Variants in INPP5D observed in about 807,000 individuals in gnomAD.
INPP5D encodes the protein inositol polyphosphate-5-phosphatase D, also known as phosphatidylinositol 3,4,5-trisphosphate 5-phosphatase 1.
Under a neutral mutation model 122.9 loss-of-function variants are expected in INPP5D, and 33 were observed. The observed-to-expected ratio is 0.27, with a 90% CI of 0.20 to 0.36. The LOEUF (loss-of-function observed/expected upper bound fraction) is 0.36, where lower values mean the gene tolerates loss of function less well. INPP5D is among the 10% of genes least tolerant of loss of function. The pLI, the probability that INPP5D is intolerant of heterozygous loss-of-function variation, is 1.00. For missense variants in INPP5D, 1,053 were observed against 1,412.7 expected (o/e 0.75, Z 4.08); for synonymous variants, 584 against 576.2 (o/e 1.01, Z -0.19).
intron 2 of INPP5D, among the ~76,000 whole-genome samples, chr2:233,117,716 G>C (rs995642933): frequency 6.6e-6 from 1 of 152,134 alleles, no homozygotes; most frequent in Non-Finnish European, 1.5e-5. Context: ...GCCTCCTGCC[G>C]GGACTCTGGA....
In INPP5D at chr2:233,164,391, G is replaced by A. The variant is rs1205046029; in HGVS notation, c.1522G>A (p.Asp508Asn). ...GAACCGGATCAGCCACATCTGTACT[G>A]ACAACGTGAAGACAGGCATTGCAAA... Reference protein sequence around the residue: ...HENRISHICTDNVKTGIANTL... With the variant: ...HENRISHICTNNVKTGIANTL... Residue 508 changes from aspartate (D) to asparagine (N), a missense_variant, in exon 13 of 27, where the codon GAC becomes AAC. By Grantham distance (23) the Asp-to-Asn change is conservative. Coordinates refer to ENST00000445964, the MANE Select transcript of INPP5D (RefSeq NM_001017915.3). This position sits in a 1 kb window ranked among gnomAD's most constrained non-coding sequence, Gnocchi z 4.3. 2.6e-6 allele frequency: 4 copies of A among 1,552,502 alleles called. No homozygotes were observed. The highest frequency in any genetic ancestry group is 3.5e-6 in the Non-Finnish European group (4 of 1,147,458).
chr2:233,071,040 G>A (rs767389915), intron 1 of INPP5D, among the ~76,000 whole-genome samples: 3 of 152,168 alleles, frequency 2.0e-5, no homozygotes, highest in South Asian at 4.2e-4. Flanking sequence ...TTGGGAGGCC[G>A]AGGCGGCCGG....
intron 2 of INPP5D, among the ~76,000 whole-genome samples, chr2:233,099,869 G>A (rs756545861): frequency 4.0e-4 from 61 of 152,296 alleles, no homozygotes; most frequent in Middle Eastern, 6.8e-3. Flanking sequence ...AGGTTTAATG[G>A]ACTCACAGTT....
chr2:233,146,284 G>T (rs1353503463), intron 7 of INPP5D, 42 bp downstream of exon 7: 1 of 704,212 alleles, frequency 1.4e-6, no homozygotes, highest in South Asian at 1.5e-5. Flanking sequence ...TCTCCTCTTT[G>T]GTCCCCTCTT....
rs1470349376 is a variant in INPP5D at position 233,105,595 on chromosome 2, G to A, written c.199-16512G>A. On this transcript the variant is annotated intron_variant, in intron 2 of 26. Transcript: ENST00000445964. This position sits in a 1 kb window ranked among gnomAD's most constrained non-coding sequence, Gnocchi z 4.0. ...GGTCTGTGTTGGTCCCTGATGCCGG[G>A]GGCTGAGCCGGGGGGAAGAGAGCCA... is the stretch of plus-strand genomic sequence containing the variant. 1.3e-5 allele frequency among the ~76,000 whole-genome samples: 2 copies of A among 152,178 alleles called. No homozygotes were observed. The highest frequency in any genetic ancestry group is 4.8e-5 in the African/African-American group (2 of 41,436).
chr2:233,068,777 T>G (rs368330332), intron 1 of INPP5D, among the ~76,000 whole-genome samples: 1 of 152,160 alleles, frequency 6.6e-6, no homozygotes, highest in African/African-American at 2.4e-5. Context: ...AGTTGTCACT[T>G]GAGGCCTCCT....
intron 18 of INPP5D, among the ~76,000 whole-genome samples, chr2:233,180,538 T>TTTTTGTTTTG (rs1694757396): frequency 6.6e-6 from 1 of 152,162 alleles, no homozygotes; most frequent in South Asian, 2.1e-4. Context: ...TTTTTTGTTT[T>TTTTTGTTTTG]TTTTGTTTTG....
chr2:233,130,579 T>C lies in INPP5D; in HGVS notation c.596T>C (p.Val199Ala). The change falls in exon 5 of 27, where the codon GTG becomes GCG. Residue 199 changes from valine (V) to alanine (A), a missense_variant. By Grantham distance (64) the Val-to-Ala change is moderately conservative. This residue lies in a region of INPP5D where 196 missense variants were observed against 175.6 expected (regional missense o/e 1.12). Coordinates refer to ENST00000445964, the MANE Select transcript of INPP5D (RefSeq NM_001017915.3). ...STQLAQDSEF[V>A]KTGSSSLPHL... ...CAGCTCGCCCAGGACTCTGAATTTG[T>C]GAAGACAGGGTCCAGCAGTCTTCCT... 1 of 1,613,988 alleles carries C rather than the reference T, an allele frequency of 6.2e-7. No individual in the cohort carries two copies. The highest frequency in any genetic ancestry group is 1.1e-5 in the South Asian group (1 of 91,074).
At chr2:233,088,640 C>T (rs1300873876) in intron 2 of INPP5D, among the ~76,000 whole-genome samples, 1 of 152,198 alleles carries the variant, frequency 6.6e-6, no homozygotes, top group Non-Finnish European at 1.5e-5. Flanking sequence ...AAACATGCAG[C>T]TCATGTCTGA....
chr2:233,095,079 T>C (rs1017024776), intron 2 of INPP5D, among the ~76,000 whole-genome samples: 3 of 152,192 alleles, frequency 2.0e-5, no homozygotes, highest in African/African-American at 2.4e-5. Flanking sequence ...ACTGCTTAAA[T>C]ACACTGTGGT....
chr2:233,181,514 T>A (rs1694782409), intron 18 of INPP5D, among the ~76,000 whole-genome samples: 1 of 152,140 alleles, frequency 6.6e-6, no homozygotes. Context: ...TAAAGATGCA[T>A]CTCCAGCCTT....
chr2:233,182,160 A>C lies in INPP5D; in HGVS notation c.2072-250A>C, dbSNP rs552222882. ...AAAATCTCCATGGTTCACACTCCCT[A>C]ATCAATTCAAAAAGTCTTAGGTCTT... On this transcript the variant is annotated intron_variant, in intron 18 of 26. Coordinates refer to ENST00000445964, the MANE Select transcript of INPP5D (RefSeq NM_001017915.3). Among the ~76,000 whole-genome samples, 32 of 152,286 alleles carry C rather than the reference A, an allele frequency of 2.1e-4. 1 individual carries two copies. Among genetic ancestry groups the C allele is most frequent in the African/African-American group, 7.2e-4 (30 of 41,564 alleles).
At chr2:233,127,697 C>G (rs369581928) in intron 4 of INPP5D, among the ~76,000 whole-genome samples, 6 of 152,218 alleles carry the variant, frequency 3.9e-5, no homozygotes, top group Non-Finnish European at 7.3e-5. Context: ...CAACCTCCCC[C>G]TCCCGGGTTC....
At chr2:233,075,891 T>C (rs192496302) in intron 1 of INPP5D, among the ~76,000 whole-genome samples, 1 of 152,340 alleles carries the variant, frequency 6.6e-6, no homozygotes, top group East Asian at 1.9e-4. Context: ...GAGATGTTAC[T>C]GTCTAAGGGG....
chr2:233,070,126 G>A lies in INPP5D; in HGVS notation c.135-9209G>A, dbSNP rs1279274605. On this transcript the variant is annotated intron_variant, in intron 1 of 26. Coordinates refer to ENST00000445964, the MANE Select transcript of INPP5D (RefSeq NM_001017915.3). ...CCCTCATAATCCCTCTTTCGTGAATGGTCTGTTCAATTCTCTTTGCCATTT... is the reference window on the plus strand; with the variant it reads ...CCCTCATAATCCCTCTTTCGTGAATAGTCTGTTCAATTCTCTTTGCCATTT... Among the ~76,000 whole-genome samples the A allele has an allele frequency of 2.0e-5, 3 of 152,136 alleles. No individual in the cohort carries two copies. The East Asian group carries it at 5.8e-4, about 29-fold the overall frequency.
chr2:233,133,737 G>C (rs992626532), intron 5 of INPP5D, among the ~76,000 whole-genome samples: 1 of 152,152 alleles, frequency 6.6e-6, no homozygotes, highest in Admixed American at 6.5e-5. Context: ...GTGCAGGGCT[G>C]GGCCATGATC....
At chr2:233,136,984 G>T (rs1332823390) in intron 5 of INPP5D, among the ~76,000 whole-genome samples, 2 of 152,168 alleles carry the variant, frequency 1.3e-5, no homozygotes, top group Admixed American at 6.5e-5. Context: ...AAAGTACCAT[G>T]AGTGTCCTTT....
intron 17 of INPP5D, among the ~76,000 whole-genome samples, chr2:233,173,369 A>G (rs1052616416): frequency 1.3e-5 from 2 of 152,168 alleles, no homozygotes; most frequent in African/African-American, 4.8e-5. Context: ...CCTTACAAAC[A>G]CTGTACACTT....
chr2:233,166,720 C>T (rs113685802), intron 13 of INPP5D, among the ~76,000 whole-genome samples: 3,228 of 152,318 alleles, frequency 0.021, 77 homozygotes, highest in East Asian at 0.11. Flanking sequence ...GTGGTAGGCT[C>T]ACGCCTGTAA....
Sources: gnomAD v4.1 joint callset for allele counts (sites outside exome capture counted in the v4.1 genomes callset) on GRCh38, gnomAD v4.1.1 for gene constraint, gnomAD v4.1.1 regional missense constraint, Gnocchi (gnomAD v3.1) non-coding constraint, MANE v1.5 for transcripts, NCBI Gene and HGNC (gene_info 2026-07-23, HGNC 2026-07-21) for gene names.